The following U2AF2 variants were observed in gnomAD, a reference collection of about 807,000 sequenced individuals.
U2AF2 encodes splicing factor U2AF 65 kDa subunit.
In U2AF2, 6 loss-of-function variants were observed where a neutral mutation model predicts 52.6. That is an observed-to-expected ratio of 0.11 (90% confidence interval 0.06 to 0.23). The LOEUF (loss-of-function observed/expected upper bound fraction) is 0.23, where lower values mean the gene tolerates loss of function less well. Ranked by LOEUF, U2AF2 falls within the 10% of genes least tolerant of loss-of-function variation. U2AF2 has a pLI of 1.00. For missense variants in U2AF2, 222 were observed against 677.1 expected (o/e 0.33, Z 7.46); for synonymous variants, 284 against 258.2 (o/e 1.10, Z -0.96).
At chr19:55,665,788 A>G (rs1361588729) in intron 7 of U2AF2, among the ~76,000 whole-genome samples, 1 of 152,180 alleles carries the variant, frequency 6.6e-6, no homozygotes. Context: ...AGCTGGGATT[A>G]CAGGCATGTG....
At chr19:55,655,456 C>T (rs1238539869) in intron 1 of U2AF2, among the ~76,000 whole-genome samples, 1 of 152,238 alleles carries the variant, frequency 6.6e-6, no homozygotes, top group Non-Finnish European at 1.5e-5. Flanking sequence ...GATGCCTCGA[C>T]GTGAACTTTT....
intron 1 of U2AF2, among the ~76,000 whole-genome samples, chr19:55,655,633 C>T (rs1427356706): frequency 6.6e-6 from 1 of 152,188 alleles, no homozygotes; most frequent in African/African-American, 2.4e-5. Flanking sequence ...TGGGGGGGCC[C>T]CTTTCCTTCC....
chr19:55,657,734 C>T (rs1449380921), intron 1 of U2AF2, among the ~76,000 whole-genome samples: 1 of 152,176 alleles, frequency 6.6e-6, no homozygotes, highest in Non-Finnish European at 1.5e-5. Context: ...CTAGCCAGAC[C>T]TGAGTGTTCT....
chr19:55,672,757 C>G (rs1283582750), intron 11 of U2AF2, among the ~76,000 whole-genome samples: 3 of 143,440 alleles, frequency 2.1e-5, no homozygotes, highest in Non-Finnish European at 3.0e-5. Flanking sequence ...GAGACAGAGT[C>G]TCGCTGTTGC....
intron 7 of U2AF2, among the ~76,000 whole-genome samples, chr19:55,665,368 T>C (rs1039961486): frequency 2.8e-5 from 4 of 142,140 alleles, no homozygotes; most frequent in African/African-American, 2.7e-5. Context: ...GTGCCCTCCA[T>C]GCACGGCAGT....
At position 55,674,190 on chromosome 19, in the gene U2AF2, G is replaced by A. The variant is rs1985133670; in HGVS notation, c.*122G>A. The A allele has an allele frequency of 2.3e-6, 1 of 438,892 alleles. No individual in the cohort carries two copies. Among genetic ancestry groups the A allele is most frequent in the South Asian group, 5.6e-5 (1 of 17,816 alleles). The allele number at this position is 438,892 out of a possible 1,614,324, so 27.2% of individuals were successfully genotyped here. On this transcript the variant is annotated 3_prime_UTR_variant, in exon 12 of 12. Coordinates refer to ENST00000308924, the MANE Select transcript of U2AF2 (RefSeq NM_007279.3). ...GACAGCCGCAGACACACGACAGCCG[G>A]CAGCAACTGGAATGGCAGCAATTAA...
intron 10 of U2AF2, 82 bp downstream of exon 10, chr19:55,669,263 C>T: frequency 1.3e-6 from 2 of 1,568,814 alleles, no homozygotes; most frequent in South Asian, 1.2e-5. Context: ...TGATCTTTCT[C>T]CCAGCTTTCA....
chr19:55,667,977 G>A (rs1447673988), intron 7 of U2AF2, among the ~76,000 whole-genome samples: 1 of 152,110 alleles, frequency 6.6e-6, no homozygotes, highest in Admixed American at 6.5e-5. Flanking sequence ...GAGAGACGGG[G>A]TTTCACCATG....
At position 55,673,928 on chromosome 19, in the gene U2AF2, C is replaced by T; in HGVS notation, c.1294-6C>T. 6.2e-7 allele frequency: 1 copy of T among 1,609,728 alleles called. No homozygotes were observed. Among genetic ancestry groups the T allele is most frequent in the Non-Finnish European group, 8.5e-7 (1 of 1,177,466 alleles). On this transcript the variant is annotated splice_polypyrimidine_tract_variant and splice_region_variant and intron_variant, in intron 11 of 11. Coordinates refer to ENST00000308924, the MANE Select transcript of U2AF2 (RefSeq NM_007279.3). ...GTTCACAAACCTGCCTCTCCTTTCC[C>T]CACAGATCTTTGTGGAGTTCACCTC...
rs1984752922 is a variant in U2AF2, at chr19:55,669,635, C to T, written c.1236C>T (p.Val412=). The T allele has an allele frequency of 6.2e-7, 1 of 1,613,116 alleles. No homozygotes were observed. Among genetic ancestry groups the T allele is most frequent in the East Asian group, 2.2e-5 (1 of 44,880 alleles). Residue 412 remains valine, a synonymous_variant, in exon 11 of 12, where the codon GTC becomes GTT. Coordinates refer to ENST00000308924, the MANE Select transcript of U2AF2 (RefSeq NM_007279.3). ...VRDECSKYGL[V]KSIEIPRPVD... ...ACGAGTGCAGCAAGTACGGGCTTGT[C>T]AAGTCCATCGAGATCCCCCGGCCTG...
intron 11 of U2AF2, 28 bp downstream of exon 11, chr19:55,669,720 C>G (rs1435487198): frequency 3.2e-6 from 5 of 1,568,846 alleles, no homozygotes. Flanking sequence ...TCAGTGCTCT[C>G]TCACCCTCTG....
In U2AF2 at chr19:55,674,506, C is replaced by T; in HGVS notation, c.*438C>T. ...TGTTGTCCGGCCCTCAGTGCCCTGCCCTCTCCCTTACCAGGACCACAGCTC... is the reference window on the plus strand; with the variant it reads ...TGTTGTCCGGCCCTCAGTGCCCTGCTCTCTCCCTTACCAGGACCACAGCTC... On this transcript the variant is annotated 3_prime_UTR_variant, in exon 12 of 12. Coordinates refer to ENST00000308924, the MANE Select transcript of U2AF2 (RefSeq NM_007279.3). 6.1e-6 allele frequency: 1 copy of T among 164,030 alleles called. No homozygotes were observed. The highest frequency in any genetic ancestry group is 1.4e-5 in the Non-Finnish European group (1 of 73,790). 10.2% of individuals were successfully genotyped at this position (164,030 alleles called of 1,614,324 possible). A position where few individuals can be genotyped will look rare whatever the true frequency, so the allele number is the denominator to read the frequency against.
chr19:55,660,644 C>T (rs1354391749), intron 4 of U2AF2, 25 bp downstream of exon 4: 3 of 1,604,644 alleles, frequency 1.9e-6, no homozygotes, highest in East Asian at 2.2e-5. Context: ...AGGCTGCTCC[C>T]AGAGCGGGAG....
intron 5 of U2AF2, chr19:55,661,447 T>C (rs1008326470): frequency 6.8e-5 from 30 of 439,338 alleles, no homozygotes; most frequent in African/African-American, 5.9e-4. Context: ...ACACACATAA[T>C]GTACCCACGT....
At position 55,660,112 on chromosome 19, in the gene U2AF2, T is replaced by G. The variant is rs1425707109; in HGVS notation, c.186-65T>G. 3.3e-6 allele frequency: 5 copies of G among 1,512,454 alleles called. No homozygotes were observed. In the African/African-American group the frequency reaches 6.9e-5, roughly 21 times the overall value. The allele number at this position is 1,512,454 out of a possible 1,614,324, so 93.7% of individuals were successfully genotyped here. Reference sequence around the variant, plus strand: ...GGGGCTCAGTGCCCTTGGGGGGGTGTGGCATGTGGGGAAGACGAGGGTCCC... The same window carrying G: ...GGGGCTCAGTGCCCTTGGGGGGGTGGGGCATGTGGGGAAGACGAGGGTCCC... On this transcript the variant is annotated intron_variant, in intron 2 of 11. Coordinates refer to ENST00000308924, the MANE Select transcript of U2AF2 (RefSeq NM_007279.3).
At chr19:55,663,770 C>T (rs1027866390) in intron 7 of U2AF2, 26 bp downstream of exon 7, 2 of 1,613,410 alleles carry the variant, frequency 1.2e-6, no homozygotes, top group Non-Finnish European at 1.7e-6. Context: ...ATTAAGGGCC[C>T]CTTTCTCCCC....
intron 11 of U2AF2, among the ~76,000 whole-genome samples, 155 bp downstream of exon 11, chr19:55,669,847 G>C (rs1984778765): frequency 6.6e-6 from 1 of 152,132 alleles, no homozygotes; most frequent in Non-Finnish European, 1.5e-5. Context: ...GTGCGTATAG[G>C]TGTATGCCAT....
Position 55,659,296 on chromosome 19 carries a change from C to T in U2AF2, c.136C>T (p.Arg46Trp), listed in dbSNP as rs755826039. The T allele has an allele frequency of 1.9e-6, 3 of 1,594,330 alleles. No individual in the cohort carries two copies. Among genetic ancestry groups the T allele is most frequent in the Admixed American group, 1.7e-5 (1 of 58,070 alleles). The change falls in exon 2 of 12, where the codon CGG (arginine) becomes TGG (tryptophan). Residue 46 changes from arginine (R) to tryptophan (W), a missense_variant. Arg to Trp is a moderately radical substitution (Grantham distance 101). Coordinates refer to ENST00000308924, the MANE Select transcript of U2AF2 (RefSeq NM_007279.3). ...CAAACGCCGGAGCCGGAGCCGCGAC[C>T]GGCGCAACCGGGACCAGCGGAGCGC... ...DRKRRSRSRD[R>W]RNRDQRSASR...
At position 55,668,298 on chromosome 19, in the gene U2AF2, C is replaced by G. The variant is rs543514828; in HGVS notation, c.743-209C>G. On this transcript the variant is annotated intron_variant, in intron 7 of 11. Coordinates refer to ENST00000308924, the MANE Select transcript of U2AF2 (RefSeq NM_007279.3). The surrounding 1 kb of genome is among the most constrained non-coding windows in gnomAD (Gnocchi z 5.5). ...CTGGGCAGATTTGGGAGACATGGTG[C>G]GTTCTCCCCGAGGAGCCTCTGTGTG... Among the ~76,000 whole-genome samples, 4 of 152,222 alleles carry G rather than the reference C, an allele frequency of 2.6e-5. No individual in the cohort carries two copies. The highest frequency in any genetic ancestry group is 9.6e-5 in the African/African-American group (4 of 41,532).
Sources: gnomAD v4.1 joint callset for allele counts (sites outside exome capture counted in the v4.1 genomes callset) on GRCh38, gnomAD v4.1.1 for gene constraint, Gnocchi (gnomAD v3.1) non-coding constraint, MANE v1.5 for transcripts, NCBI Gene and HGNC (gene_info 2026-07-23, HGNC 2026-07-21) for gene names.